Variants in CPED1 observed in about 807,000 individuals in gnomAD.
CPED1 encodes cadherin-like and PC-esterase domain-containing protein 1.
Under a neutral mutation model 128.2 loss-of-function variants are expected in CPED1, and 114 were observed. That is an observed-to-expected ratio of 0.89 (90% confidence interval 0.76 to 1.04). CPED1 has a LOEUF of 1.04. Among genes scored for constraint, CPED1 ranks in the 50% least tolerant of loss-of-function variants. CPED1 has a pLI of 0.00. For missense variants in CPED1, 1,211 were observed against 1,207.1 expected (o/e 1.00, Z -0.05); for synonymous variants, 462 against 426.7 (o/e 1.08, Z -1.02).
intron 18 of CPED1, among the ~76,000 whole-genome samples, chr7:121,256,494 A>G (rs1001037900): frequency 6.6e-6 from 1 of 151,974 alleles, no homozygotes; most frequent in Non-Finnish European, 1.5e-5. Flanking sequence ...AGAAAACAGC[A>G]ATAAGATACC....
intron 8 of CPED1, 54 bp downstream of exon 8, chr7:121,124,527 C>A: frequency 7.8e-7 from 1 of 1,280,098 alleles, no homozygotes. Context: ...AGCAACCTAT[C>A]TTTTAAAAAT....
chr7:120,999,847 A>G (rs1791781486), intron 2 of CPED1, among the ~76,000 whole-genome samples: 1 of 152,210 alleles, frequency 6.6e-6, no homozygotes, highest in Admixed American at 6.5e-5. Context: ...ATTTGTTTAC[A>G]TTAGATACAT....
intron 16 of CPED1, among the ~76,000 whole-genome samples, chr7:121,218,813 A>C (rs2116615611): frequency 6.6e-6 from 1 of 152,130 alleles, no homozygotes; most frequent in Admixed American, 6.6e-5. Flanking sequence ...TACATAAAAA[A>C]CCTGCATGTT....
Position 121,046,922 on chromosome 7 carries a change from T to C in CPED1, c.469T>C (p.Ser157Pro). 3 of 1,612,532 alleles carry C rather than the reference T, an allele frequency of 1.9e-6. No individual in the cohort carries two copies. The highest frequency in any genetic ancestry group is 2.5e-6 in the Non-Finnish European group (3 of 1,178,990). The change falls in exon 4 of 23, where the codon TCT becomes CCT. Residue 157 changes from serine to proline, a missense_variant. Ser to Pro is a moderately conservative substitution (Grantham distance 74). Coordinates refer to ENST00000310396, the MANE Select transcript of CPED1 (RefSeq NM_024913.5). ...CTCTTGGGATCTGCTCATTTGCCTG[T>C]CTTCTAAGAAAGCAGAAGGAACACC... ...LGSWDLLICL[S>P]SKKAEGTPCI...
Position 121,127,257 on chromosome 7 carries a change from G to T in CPED1, c.1302G>T (p.Lys434Asn). 1.3e-6 allele frequency: 2 copies of T among 1,556,574 alleles called. No homozygotes were observed. The highest frequency in any genetic ancestry group is 1.8e-6 in the Non-Finnish European group (2 of 1,137,386). Residue 434 changes from lysine to asparagine, a missense_variant and splice_region_variant, in exon 10 of 23, where the codon AAG becomes AAT. Transcript: ENST00000310396. The stretch of plus-strand genomic sequence containing the variant: ...GACTTTATAGATCAGATGTTTTCAA[G>T]GTAAGTGCATATTTGTGTACTGATA... Reference protein sequence around the residue: ...FQRLYRSDVFKGENYQKELNQ... With the variant: ...FQRLYRSDVFNGENYQKELNQ...
chr7:121,127,148 C>T lies in CPED1; in HGVS notation c.1193C>T (p.Thr398Ile), dbSNP rs1795524073. Residue 398 changes from threonine to isoleucine, a missense_variant, in exon 10 of 23, where the codon ACA (threonine) becomes ATA (isoleucine). Physicochemically the swap from Thr to Ile is moderately conservative, Grantham distance 89. Transcript: ENST00000310396. The part of the protein sequence containing the change: ...YDNMDFEDQN[T>I]EEFLLNDTFN... ...AATATGGATTTTGAGGACCAAAATACAGAAGAATTCCTTTTAAATGACACT... is the reference window on the plus strand; with the variant it reads ...AATATGGATTTTGAGGACCAAAATATAGAAGAATTCCTTTTAAATGACACT... The T allele has an allele frequency of 6.3e-7, 1 of 1,597,462 alleles. No individual in the cohort carries two copies. The highest frequency in any genetic ancestry group is 1.3e-5 in the African/African-American group (1 of 74,530).
intron 7 of CPED1, among the ~76,000 whole-genome samples, chr7:121,109,247 C>T (rs956089797): frequency 3.3e-5 from 5 of 152,138 alleles, no homozygotes; most frequent in African/African-American, 4.8e-5. Flanking sequence ...AACATAAAGA[C>T]GTATTTCATT....
At chr7:121,037,886 T>C (rs560849685) in intron 3 of CPED1, among the ~76,000 whole-genome samples, 3 of 152,244 alleles carry the variant, frequency 2.0e-5, no homozygotes, top group South Asian at 2.1e-4. Context: ...GTATTATTAT[T>C]ATTTTTGCAG....
At chr7:121,053,289 C>G (rs1182811800) in intron 4 of CPED1, among the ~76,000 whole-genome samples, 3 of 152,124 alleles carry the variant, frequency 2.0e-5, no homozygotes, top group African/African-American at 7.2e-5. Flanking sequence ...TTTCATATCT[C>G]CTTACTCTCC....
At chr7:121,147,865 A>G (rs913993973) in intron 16 of CPED1, among the ~76,000 whole-genome samples, 3 of 152,174 alleles carry the variant, frequency 2.0e-5, no homozygotes, top group Non-Finnish European at 2.9e-5. Context: ...CTTATTTTTA[A>G]AAAATCAATT....
intron 7 of CPED1, among the ~76,000 whole-genome samples, chr7:121,102,802 C>T (rs1794887339): frequency 6.6e-6 from 1 of 152,044 alleles, no homozygotes; most frequent in Non-Finnish European, 1.5e-5. Context: ...CAACAACTCC[C>T]CTCCCCCAAC....
intron 16 of CPED1, among the ~76,000 whole-genome samples, chr7:121,231,248 G>A (rs1327170089): frequency 6.6e-6 from 1 of 152,076 alleles, no homozygotes; most frequent in Non-Finnish European, 1.5e-5. Flanking sequence ...AAAAATACAA[G>A]TGAAAGAAGC....
At chr7:121,091,009 A>G (rs1384367400) in intron 5 of CPED1, among the ~76,000 whole-genome samples, 1 of 152,144 alleles carries the variant, frequency 6.6e-6, no homozygotes, top group Non-Finnish European at 1.5e-5. Flanking sequence ...TCCCCAAATT[A>G]TATTATTTAA....
chr7:121,263,005 A>T (rs1792050428), intron 18 of CPED1, among the ~76,000 whole-genome samples: 1 of 152,116 alleles, frequency 6.6e-6, no homozygotes, highest in Non-Finnish European at 1.5e-5. Flanking sequence ...TCATGAATGG[A>T]AAGGCACTAG....
intron 22 of CPED1, among the ~76,000 whole-genome samples, chr7:121,280,331 A>C (rs913149807): frequency 1.3e-5 from 2 of 152,168 alleles, no homozygotes; most frequent in African/African-American, 4.8e-5. Flanking sequence ...TGTAAGATAG[A>C]ACCAACAGTT....
At chr7:121,100,123 A>G in intron 7 of CPED1, 29 bp downstream of exon 7, 4 of 1,605,534 alleles carry the variant, frequency 2.5e-6, no homozygotes, top group Non-Finnish European at 3.4e-6. Context: ...CTATTATTTC[A>G]CGTAAGTACA....
chr7:121,125,081 A>G lies in CPED1; in HGVS notation c.1061+608A>G, dbSNP rs998088978. Among the ~76,000 whole-genome samples the G allele has an allele frequency of 7.9e-5, 12 of 152,236 alleles. No homozygotes were observed. The South Asian group carries it at 1.9e-3, about 24-fold the overall frequency. The stretch of plus-strand genomic sequence containing the variant: ...TTCGTATTTAGGTTTCCATGGATTA[A>G]CTTTATTGCTTAGTTTAATGTGTTA... On this transcript the variant is annotated intron_variant, in intron 8 of 22. Coordinates refer to ENST00000310396, the MANE Select transcript of CPED1 (RefSeq NM_024913.5).
intron 17 of CPED1, among the ~76,000 whole-genome samples, chr7:121,240,818 G>A (rs1798375251): frequency 1.4e-5 from 2 of 146,436 alleles, no homozygotes; most frequent in Non-Finnish European, 3.0e-5. Flanking sequence ...ACACTCTAAG[G>A]CCTCTTCTGA....
At position 120,989,271 on chromosome 7, in the gene CPED1, T is replaced by C. The variant is rs904397943; in HGVS notation, c.-231-120T>C. ...AAAGCTGAGGCAGAGTCGGACTCCTTTACTGTGAGTTGAAAGATGTGAGAA... is the reference window on the plus strand; with the variant it reads ...AAAGCTGAGGCAGAGTCGGACTCCTCTACTGTGAGTTGAAAGATGTGAGAA... On this transcript the variant is annotated intron_variant, in intron 1 of 22. Transcript: ENST00000310396. 2.9e-5 allele frequency: 8 copies of C among 272,922 alleles called. No homozygotes were observed. In the East Asian group the frequency reaches 3.0e-4, roughly 10 times the overall value. The allele number at this position is 272,922 out of a possible 1,614,324, so 16.9% of individuals were successfully genotyped here.
Sources: gnomAD v4.1 joint callset for allele counts (sites outside exome capture counted in the v4.1 genomes callset) on GRCh38, gnomAD v4.1.1 for gene constraint, MANE v1.5 for transcripts, NCBI Gene and HGNC (gene_info 2026-07-23, HGNC 2026-07-21) for gene names.